DGKD: variants seen among roughly 807,000 people sequenced by gnomAD.
DGKD encodes the protein DAG kinase delta.
A neutral mutation model predicts 154.4 loss-of-function variants in DGKD; 68 were observed. The ratio of observed to expected loss-of-function variants is 0.44; its 90% CI spans 0.36 to 0.54. The LOEUF (loss-of-function observed/expected upper bound fraction) is 0.54. Ranked by LOEUF, DGKD falls within the 20% of genes least tolerant of loss-of-function variation. DGKD has a pLI of 0.00. For missense variants in DGKD, 1,343 were observed against 1,593.6 expected (o/e 0.84, Z 2.68); for synonymous variants, 693 against 638.0 (o/e 1.09, Z -1.30).
intron 3 of DGKD, among the ~76,000 whole-genome samples, chr2:233,397,150 G>A (rs1400037738): frequency 7.8e-6 from 1 of 128,742 alleles, no homozygotes; most frequent in African/African-American, 3.1e-5. Flanking sequence ...AGGGGACCAG[G>A]GTGGCTGCGG....
intron 3 of DGKD, among the ~76,000 whole-genome samples, chr2:233,433,380 TA>T (rs995048570): frequency 3.6e-4 from 51 of 140,712 alleles, no homozygotes; most frequent in African/African-American, 6.0e-4. Context: ...TGGGAGCTAA[TA>T]AAAAAAAAAA....
intron 9 of DGKD, among the ~76,000 whole-genome samples, chr2:233,439,575 T>G (rs534732122): frequency 1.3e-5 from 2 of 152,326 alleles, no homozygotes; most frequent in African/African-American, 4.8e-5. Context: ...ATTTTACTGT[T>G]TTTTGAGACA....
intron 1 of DGKD, among the ~76,000 whole-genome samples, chr2:233,370,074 A>C (rs555817571): frequency 6.6e-6 from 1 of 152,100 alleles, no homozygotes; most frequent in South Asian, 2.1e-4. Context: ...ACCTCTATCT[A>C]GTTTGGGAAC....
At chr2:233,388,084 T>C in intron 1 of DGKD, 173 bp from the exon 2 acceptor site, 1 of 1,416,530 alleles carries the variant, frequency 7.1e-7, no homozygotes, top group Non-Finnish European at 9.3e-7. Context: ...CAACCCCCCA[T>C]GCCCCCGGCA....
intron 3 of DGKD, among the ~76,000 whole-genome samples, chr2:233,396,723 G>A (rs1704060602): frequency 6.6e-6 from 1 of 152,158 alleles, no homozygotes; most frequent in Admixed American, 6.5e-5. Flanking sequence ...GTGTGTCTGT[G>A]TGTTGGTGTG....
At chr2:233,401,114 T>C (rs2061548719) in intron 3 of DGKD, among the ~76,000 whole-genome samples, 1 of 151,762 alleles carries the variant, frequency 6.6e-6, no homozygotes, top group South Asian at 2.1e-4. Context: ...GAATCCTAGC[T>C]CAGCTTCTTC....
intron 3 of DGKD, chr2:233,429,299 TA>T: frequency 3.1e-5 from 31 of 985,230 alleles, no homozygotes; most frequent in Non-Finnish European, 3.7e-5. Context: ...TTATGCACAG[TA>T]AGGTATATTA....
At position 233,366,351 on chromosome 2, in the gene DGKD, GGCTGT is replaced by G. The variant is rs147973960; in HGVS notation, c.156+11679_156+11683del. Among the ~76,000 whole-genome samples, 704 of 152,318 alleles carry G rather than the reference GGCTGT, an allele frequency of 4.6e-3. 2 individuals are homozygous for G. The highest frequency in any genetic ancestry group is 0.016 in the African/African-American group (670 of 41,564). On this transcript the variant is annotated intron_variant, in intron 1 of 29. Transcript: ENST00000264057. ...TGCTGGCAGCCTGGGCCTGTGCTGT[GGCTGT>G]GGCGATGGGGGAAGTAGCTGGATTT...
At chr2:233,456,691 A>G (rs2063471664) in intron 19 of DGKD, among the ~76,000 whole-genome samples, 1 of 152,200 alleles carries the variant, frequency 6.6e-6, no homozygotes, top group African/African-American at 2.4e-5. Flanking sequence ...AAATGTTACT[A>G]TTGAGCAAAA....
At position 233,460,101 on chromosome 2, in the gene DGKD, C is replaced by G. The variant is rs879120109; in HGVS notation, c.2830-93C>G. 5 of 1,528,836 alleles carry G rather than the reference C, an allele frequency of 3.3e-6. No homozygotes were observed. In the South Asian group the frequency reaches 6.5e-5, roughly 20 times the overall value. 94.7% of individuals were successfully genotyped at this position (1,528,836 alleles called of 1,614,324 possible). ...AAAAAAAAGTCCTATTTGTCTCTTT[C>G]TAGTTGTGATCTCGTTGGCATCCCC... On this transcript the variant is annotated intron_variant, in intron 23 of 29. Transcript: ENST00000264057.
chr2:233,446,700 T>TTG lies in DGKD; in HGVS notation c.1335-5_1335-4dup, dbSNP rs773719111. The TTG allele has an allele frequency of 1.2e-6, 2 of 1,612,938 alleles. No homozygotes were observed. The highest frequency in any genetic ancestry group is 1.3e-5 in the African/African-American group (1 of 75,020). ...CGTCTTGCCGCCTGTGCAGCTGACC[T>TTG]TGTGTGTGCAGGTGGAGCGTCATGG... On this transcript the variant is annotated splice_polypyrimidine_tract_variant and intron_variant, in intron 11 of 29. Coordinates refer to ENST00000264057, the MANE Select transcript of DGKD (RefSeq NM_152879.3).
intron 1 of DGKD, among the ~76,000 whole-genome samples, chr2:233,367,138 G>A (rs1463778872): frequency 6.6e-6 from 1 of 151,940 alleles, no homozygotes; most frequent in African/African-American, 2.4e-5. Context: ...TGTTAAATTA[G>A]AACAGCTTCC....
chr2:233,436,859 GCCT>G (rs1275127948), intron 7 of DGKD, among the ~76,000 whole-genome samples: 3 of 152,214 alleles, frequency 2.0e-5, no homozygotes, highest in Non-Finnish European at 4.4e-5. Context: ...CAGCCCAGTG[GCCT>G]CCTGCCAGGT....
rs371748514 is a variant in DGKD at position 233,459,877 on chromosome 2, C to T, written c.2815C>T (p.Leu939=). ...RIVHKNRAQT[L]TRDRAFESTL... ...TGTCCACAAGAACCGGGCACAGACA[C>T]TGACCAGAGACAGGGTAAGAGCGGC... The change falls in exon 23 of 30, where the codon CTG becomes TTG. Residue 939 remains leucine, a synonymous_variant. Coordinates refer to ENST00000264057, the MANE Select transcript of DGKD (RefSeq NM_152879.3). The surrounding 1 kb of genome is among the most constrained non-coding windows in gnomAD (Gnocchi z 5.7). The T allele has an allele frequency of 1.9e-6, 3 of 1,613,914 alleles. No homozygotes were observed. Among genetic ancestry groups the T allele is most frequent in the Non-Finnish European group, 2.5e-6 (3 of 1,179,882 alleles).
At chr2:233,432,977 C>T (rs919609129) in intron 3 of DGKD, among the ~76,000 whole-genome samples, 6 of 152,158 alleles carry the variant, frequency 3.9e-5, no homozygotes, top group Admixed American at 2.0e-4. Context: ...AAAAGGGAAC[C>T]GTACACTGCT....
chr2:233,440,852 G>A lies in DGKD; in HGVS notation c.1086-1035G>A, dbSNP rs2062862016. On this transcript the variant is annotated intron_variant, in intron 9 of 29. Coordinates refer to ENST00000264057, the MANE Select transcript of DGKD (RefSeq NM_152879.3). This position sits in a 1 kb window ranked among gnomAD's most constrained non-coding sequence, Gnocchi z 4.9. The stretch of plus-strand genomic sequence containing the variant: ...GTGTCAAGGTGACTGAGGCTCCTGT[G>A]GGACTCTGCGAGAGCACGGTGGTGA... Among the ~76,000 whole-genome samples the A allele has an allele frequency of 6.6e-6, 1 of 152,178 alleles. No individual in the cohort carries two copies. Among genetic ancestry groups the A allele is most frequent in the African/African-American group, 2.4e-5 (1 of 41,432 alleles).
At chr2:233,358,654 A>T (rs755602162) in intron 1 of DGKD, among the ~76,000 whole-genome samples, 1 of 152,220 alleles carries the variant, frequency 6.6e-6, no homozygotes, top group Non-Finnish European at 1.5e-5. Flanking sequence ...ATGGAATCAT[A>T]CAATATGTGG....
chr2:233,436,381 C>T lies in DGKD; in HGVS notation c.759C>T (p.Asp253=). 6.2e-7 allele frequency: 1 copy of T among 1,614,204 alleles called. No individual in the cohort carries two copies. Among genetic ancestry groups the T allele is most frequent in the Non-Finnish European group, 8.5e-7 (1 of 1,180,038 alleles). The change falls in exon 7 of 30, where the codon GAC becomes GAT. Residue 253 remains aspartate, a synonymous_variant. Transcript: ENST00000264057. ...LPVSAKCTVC[D]KTCGSVLRLQ... ...TGAGCGCCAAGTGCACTGTGTGCGA[C>T]AAGACCTGTGGCAGTGTGCTGCGCC...
At chr2:233,376,245 G>A (rs926824211) in intron 1 of DGKD, among the ~76,000 whole-genome samples, 2 of 152,178 alleles carry the variant, frequency 1.3e-5, no homozygotes, top group Non-Finnish European at 2.9e-5. Flanking sequence ...GTCTGAACTT[G>A]TACAGACAAA....
Sources: gnomAD v4.1 joint callset for allele counts (sites outside exome capture counted in the v4.1 genomes callset) on GRCh38, gnomAD v4.1.1 for gene constraint, Gnocchi (gnomAD v3.1) non-coding constraint, MANE v1.5 for transcripts, NCBI Gene and HGNC (gene_info 2026-07-23, HGNC 2026-07-21) for gene names.